The following FMN1 variants were observed in gnomAD, a reference collection of about 807,000 sequenced individuals.
FMN1 encodes the protein formin 1.
FMN1 carries 110 observed loss-of-function variants against 132.4 expected under a neutral mutation model. That is an observed-to-expected ratio of 0.83 (90% CI 0.71 to 0.97). FMN1 has a LOEUF of 0.97. Ranked by LOEUF, FMN1 falls within the 50% of genes least tolerant of loss-of-function variation. The pLI is 0.00. For synonymous variants in FMN1, 722 were observed against 651.7 expected (o/e 1.11, Z -1.64); for missense variants, 1,792 against 1,705.3 (o/e 1.05, Z -0.90).
intron 17 of FMN1, among the ~76,000 whole-genome samples, chr15:32,849,592 GA>G (rs34041577): frequency 0.77 from 116,647 of 151,776 alleles, 45,102 homozygotes; most frequent in Middle Eastern, 0.82. Context: ...GAATTTCTGG[GA>G]AAAAAAATCC....
Position 33,067,814 on chromosome 15 carries a change from T to A in FMN1, c.2044-2740A>T, listed in dbSNP as rs371605442. On this transcript the variant is annotated intron_variant, in intron 5 of 20. Transcript: ENST00000616417. ...CTTACTCAGGATCGACTGAGCCACT[T>A]CAAGTCCGGCTTCTGGTTTTGCTGG... 4 of 1,613,874 alleles carry A rather than the reference T, an allele frequency of 2.5e-6. No individual in the cohort carries two copies. The African/African-American group carries it at 5.3e-5, about 22-fold the overall frequency.
intron 5 of FMN1, among the ~76,000 whole-genome samples, chr15:33,079,032 TGG>T (rs1394516582): frequency 6.6e-6 from 1 of 152,218 alleles, no homozygotes; most frequent in Non-Finnish European, 1.5e-5. Context: ...AGTATTTTAG[TGG>T]CAATATTTCA....
At chr15:32,964,885 G>A (rs1233392252) in intron 8 of FMN1, among the ~76,000 whole-genome samples, 1 of 152,078 alleles carries the variant, frequency 6.6e-6, no homozygotes, top group East Asian at 1.9e-4. Context: ...CTCCTCCATT[G>A]CACCTCATGG....
chr15:33,066,384 G>A, intron 5 of FMN1: 2 of 818,196 alleles, frequency 2.4e-6, no homozygotes, highest in South Asian at 3.9e-5. Flanking sequence ...AATATAATTT[G>A]ACTATAATCC....
chr15:32,883,652 TATC>T (rs1422602155), intron 16 of FMN1, among the ~76,000 whole-genome samples: 1 of 150,052 alleles, frequency 6.7e-6, no homozygotes, highest in Non-Finnish European at 1.5e-5. Context: ...GACCCAGTAA[TATC>T]ATTTCACCAA....
intron 9 of FMN1, among the ~76,000 whole-genome samples, chr15:32,948,792 G>A (rs544032800): frequency 6.6e-6 from 1 of 151,798 alleles, no homozygotes; most frequent in East Asian, 1.9e-4. Context: ...TTTCAAAGAA[G>A]AAACTTTTGT....
At chr15:33,191,916 G>A (rs532112488) in intron 2 of FMN1, among the ~76,000 whole-genome samples, 17 of 152,296 alleles carry the variant, frequency 1.1e-4, no homozygotes, top group African/African-American at 4.1e-4. Flanking sequence ...AACACAGGCT[G>A]GGACCTGTTG....
intron 7 of FMN1, among the ~76,000 whole-genome samples, chr15:32,987,976 T>C (rs1317666534): frequency 6.6e-6 from 1 of 151,874 alleles, no homozygotes; most frequent in African/African-American, 2.4e-5. Context: ...TTGCTTTGGG[T>C]AGTGCCTCGT....
At chr15:33,028,594 A>G (rs935956849) in intron 6 of FMN1, among the ~76,000 whole-genome samples, 1 of 152,230 alleles carries the variant, frequency 6.6e-6, no homozygotes, top group African/African-American at 2.4e-5. Context: ...ATCCCACTTT[A>G]CTGGCAAAAC....
chr15:33,165,430 A>T (rs532927930), intron 3 of FMN1, among the ~76,000 whole-genome samples: 1 of 152,166 alleles, frequency 6.6e-6, no homozygotes, highest in South Asian at 2.1e-4. Context: ...TCGCTCTGTC[A>T]CCCAGGCTGG....
At chr15:32,787,413 C>T (rs1332319176) in intron 19 of FMN1, among the ~76,000 whole-genome samples, 2 of 152,228 alleles carry the variant, frequency 1.3e-5, no homozygotes, top group Non-Finnish European at 2.9e-5. Flanking sequence ...ACCTTCGGCC[C>T]TGACCGCTCT....
chr15:33,087,168 A>G (rs545619519), intron 5 of FMN1, among the ~76,000 whole-genome samples: 1 of 152,378 alleles, frequency 6.6e-6, no homozygotes, highest in East Asian at 1.9e-4. Flanking sequence ...CAGGCCATCT[A>G]AATGTGGAAG....
intron 19 of FMN1, among the ~76,000 whole-genome samples, chr15:32,791,049 G>T (rs1213828205): frequency 6.6e-6 from 1 of 152,106 alleles, no homozygotes; most frequent in Non-Finnish European, 1.5e-5. Flanking sequence ...AGGAAATAAT[G>T]GGGGGAATGC....
At position 32,769,986 on chromosome 15, in the gene FMN1, A is replaced by T. The variant is rs1351467482; in HGVS notation, c.*4324T>A. On this transcript the variant is annotated 3_prime_UTR_variant, in exon 21 of 21. Transcript: ENST00000616417. ...TATAACTGATGCTTGTTAGCAATTT[A>T]AAAAGACAATTTAAACTGTTTTATA... The T allele has an allele frequency of 1.3e-5, 2 of 152,234 alleles. No homozygotes were observed. Among genetic ancestry groups the T allele is most frequent in the Non-Finnish European group, 2.9e-5 (2 of 68,034 alleles). The allele number at this position is 152,234 out of a possible 1,614,324, so 9.4% of individuals were successfully genotyped here.
chr15:33,040,485 T>C (rs1328472473), intron 6 of FMN1, among the ~76,000 whole-genome samples: 2 of 152,210 alleles, frequency 1.3e-5, no homozygotes, highest in African/African-American at 2.4e-5. Flanking sequence ...CAGAACCTAG[T>C]AGATGCTTAG....
intron 9 of FMN1, among the ~76,000 whole-genome samples, chr15:32,944,533 T>C (rs1202566934): frequency 6.6e-6 from 1 of 152,246 alleles, no homozygotes; most frequent in Non-Finnish European, 1.5e-5. Flanking sequence ...ATCTCTTCCA[T>C]GGCCTTATTT....
intron 6 of FMN1, among the ~76,000 whole-genome samples, chr15:33,043,455 T>G (rs1251084948): frequency 1.3e-5 from 2 of 152,224 alleles, no homozygotes; most frequent in Admixed American, 6.5e-5. Context: ...CACTTGCCTT[T>G]TGCCGTCTAT....
At chr15:33,041,279 C>T (rs1467401379) in intron 6 of FMN1, among the ~76,000 whole-genome samples, 2 of 151,574 alleles carry the variant, frequency 1.3e-5, no homozygotes, top group Non-Finnish European at 2.9e-5. Flanking sequence ...AATCTTCAAC[C>T]CGTAACACCT....
chr15:33,064,519 C>T (rs1242084272), intron 6 of FMN1: 1 of 152,572 alleles, frequency 6.6e-6, no homozygotes, highest in Non-Finnish European at 1.5e-5. Context: ...GATACGGTAT[C>T]TGTACATTCA....
Sources: allele counts gnomAD v4.1 joint callset (sites outside exome capture counted in the v4.1 genomes callset), GRCh38; gene constraint gnomAD v4.1.1; transcripts MANE v1.5; gene names NCBI Gene and HGNC (gene_info 2026-07-23, HGNC 2026-07-21).